Variants in DCHS2 observed in about 807,000 individuals in gnomAD.
The protein encoded by DCHS2 is protocadherin-23.
DCHS2 carries 142 observed loss-of-function variants against 182.4 expected under a neutral mutation model. The observed-to-expected ratio is 0.78, with a 90% CI of 0.68 to 0.89. DCHS2 has a LOEUF of 0.89. Among genes scored for constraint, DCHS2 ranks in the 40% least tolerant of loss-of-function variants. DCHS2 has a pLI of 0.00. For missense variants in DCHS2, 4,319 were observed against 4,198.6 expected, an observed-to-expected ratio of 1.03 and a Z score of -0.79; for synonymous variants, 1,740 against 1,663.3, an observed-to-expected ratio of 1.05 and a Z score of -1.12.
chr4:154,343,761 CTT>C, intron 3 of DCHS2: 2 of 1,022,606 alleles, frequency 2.0e-6, no homozygotes, highest in Admixed American at 4.2e-5. Flanking sequence ...CAATGAGTCT[CTT>C]TTGCTTTCTT....
chr4:154,440,998 A>G (rs984094766), intron 1 of DCHS2, among the ~76,000 whole-genome samples: 1 of 152,222 alleles, frequency 6.6e-6, no homozygotes, highest in Non-Finnish European at 1.5e-5. Context: ...GAGAGTTACT[A>G]TGACGTCTCT....
chr4:154,255,448 G>A, intron 16 of DCHS2, 71 bp downstream of exon 16: 3 of 1,521,140 alleles, frequency 2.0e-6, no homozygotes, highest in Non-Finnish European at 2.6e-6. Context: ...AGGAAGTTAT[G>A]AACAAAACAG....
chr4:154,308,172 T>C (rs4696546), intron 10 of DCHS2, among the ~76,000 whole-genome samples: 80,681 of 151,392 alleles, frequency 0.53, 22,258 homozygotes, highest in Admixed American at 0.63. Flanking sequence ...ACCAATGACC[T>C]TCTGATTATA....
chr4:154,252,760 C>T (rs755400094), intron 16 of DCHS2, among the ~76,000 whole-genome samples: 8 of 151,844 alleles, frequency 5.3e-5, no homozygotes, highest in Non-Finnish European at 1.0e-4. Context: ...TTCCAAACCT[C>T]GGCTATTGTG....
chr4:154,378,528 G>GGAAGGAAGGAAGGAAGGAAGGAAA, intron 1 of DCHS2, among the ~76,000 whole-genome samples: 4 of 145,022 alleles, frequency 2.8e-5, no homozygotes. Context: ...AAAGAAGGAA[G>GGAAGGAAGGAAGGAAGGAAGGAAA]GAAGGAAGGA....
rs778042900 is a variant in DCHS2 at position 154,235,164 on chromosome 4, G to A, written c.9488C>T (p.Thr3163Ile). 14 of 1,613,944 alleles carry A rather than the reference G, an allele frequency of 8.7e-6. No homozygotes were observed. In the South Asian group the frequency reaches 1.4e-4, roughly 16 times the overall value. ...TTCCCCTTGATCTCCTTCCCCAAAT[G>A]TTTGGCTGGCTTCTGCTGTTTCGGC... Reference protein sequence around the residue: ...VTAETAEASQTFGEGDQGEGC... With the variant: ...VTAETAEASQIFGEGDQGEGC... The change falls in exon 20 of 20, where the codon ACA (threonine) becomes ATA (isoleucine). Residue 3163 changes from threonine (T) to isoleucine (I), a missense_variant. Physicochemically the swap from Thr to Ile is moderately conservative, Grantham distance 89. Transcript: ENST00000357232.
At position 154,239,155 on chromosome 4, in the gene DCHS2, T is replaced by C. The variant is rs2111097417; in HGVS notation, c.7492+15A>G. 5 of 1,607,104 alleles carry C rather than the reference T, an allele frequency of 3.1e-6. No homozygotes were observed. Among genetic ancestry groups the C allele is most frequent in the Non-Finnish European group, 4.2e-6 (5 of 1,177,108 alleles). On this transcript the variant is annotated intron_variant, in intron 19 of 19. Coordinates refer to ENST00000357232, the MANE Select transcript of DCHS2 (RefSeq NM_001358235.2). ...CCCAAACCTATGAGCATTAATGCAA[T>C]TATAAATAACTCACCATTCTTAGGA... is the stretch of plus-strand genomic sequence containing the variant.
chr4:154,256,662 A>G (rs1201302037), intron 15 of DCHS2, among the ~76,000 whole-genome samples: 1 of 152,180 alleles, frequency 6.6e-6, no homozygotes, highest in Non-Finnish European at 1.5e-5. Flanking sequence ...AAATTAATTA[A>G]TTACTTTTTA....
At position 154,334,910 on chromosome 4, in the gene DCHS2, C is replaced by T; in HGVS notation, c.2671G>A (p.Glu891Lys). 1 of 1,614,228 alleles carries T rather than the reference C, an allele frequency of 6.2e-7. No homozygotes were observed. The highest frequency in any genetic ancestry group is 8.5e-7 in the Non-Finnish European group (1 of 1,180,038). Reference protein sequence around the residue: ...YTFLVYEDVPEDSPIGTVKAR... With the variant: ...YTFLVYEDVPKDSPIGTVKAR... ...TTCACTGTTCCAATGGGACTATCTT[C>T]AGGCACATCTTCATAAACTAAGAAA... is the stretch of plus-strand genomic sequence containing the variant. Residue 891 changes from glutamate to lysine, a missense_variant, in exon 4 of 20, where the codon GAA becomes AAA. Transcript: ENST00000357232.
intron 1 of DCHS2, among the ~76,000 whole-genome samples, chr4:154,463,044 A>G (rs926676059): frequency 6.6e-6 from 1 of 151,652 alleles, no homozygotes; most frequent in Admixed American, 6.6e-5. Flanking sequence ...CCCATTCCTC[A>G]ATTTCCTCTG....
At chr4:154,333,684 A>G (rs2111367496) in intron 4 of DCHS2, 190 bp from the exon 5 acceptor site, 1 of 642,286 alleles carries the variant, frequency 1.6e-6, no homozygotes, top group Non-Finnish European at 2.6e-6. Context: ...GCTCACATAC[A>G]TAAATCCTTA....
Position 154,235,417 on chromosome 4 carries a change from C to T in DCHS2, c.9235G>A (p.Glu3079Lys). 1 of 1,614,086 alleles carries T rather than the reference C, an allele frequency of 6.2e-7. No homozygotes were observed. The highest frequency in any genetic ancestry group is 8.5e-7 in the Non-Finnish European group (1 of 1,179,968). The part of the protein sequence containing the change: ...PEWLSLISIM[E>K]KDIVNLYRHS... ...CTGTACAGATTGACAATATCCTTCT[C>T]CATGATACTTATTAAACTCAACCAT... The change falls in exon 20 of 20, where the codon GAG becomes AAG. Residue 3079 changes from glutamate to lysine, a missense_variant. Physicochemically the swap from Glu to Lys is moderately conservative, Grantham distance 56. Transcript: ENST00000357232.
At chr4:154,287,100 C>T (rs958570822) in intron 13 of DCHS2, among the ~76,000 whole-genome samples, 16 of 152,138 alleles carry the variant, frequency 1.1e-4, no homozygotes, top group African/African-American at 3.4e-4. Flanking sequence ...GAATACCATA[C>T]TCAGTGAAAA....
chr4:154,240,934 T>G, intron 17 of DCHS2, 111 bp from the exon 18 acceptor site: 1 of 1,443,678 alleles, frequency 6.9e-7, no homozygotes, highest in Non-Finnish European at 9.2e-7. Flanking sequence ...TGATTTGCTC[T>G]TTCTTGGCTT....
At chr4:154,478,038 T>C (rs1372835595) in intron 1 of DCHS2, among the ~76,000 whole-genome samples, 7 of 151,446 alleles carry the variant, frequency 4.6e-5, no homozygotes, top group Admixed American at 4.6e-4. Context: ...TTGTTTACAC[T>C]AGGTGAAGCT....
chr4:154,291,318 G>C (rs1293691158), intron 13 of DCHS2, among the ~76,000 whole-genome samples: 3 of 152,002 alleles, frequency 2.0e-5, no homozygotes. Context: ...GTTGAGAAAG[G>C]GGAATCCTTA....
rs1190436786 is a variant in DCHS2 at position 154,298,575 on chromosome 4, C to T, written c.5739G>A (p.Arg1913=). ...ILCSDLGDPP[R]SSVIHLQVRV... is the part of the protein sequence containing the mutation. ...TAACTTGCAGGTGTATTACAGAGCTCCTAGGTGGATCTCCCAGGTCAGAGC... is the reference window on the plus strand; with the variant it reads ...TAACTTGCAGGTGTATTACAGAGCTTCTAGGTGGATCTCCCAGGTCAGAGC... The change falls in exon 13 of 20, where the codon AGG becomes AGA. Residue 1913 remains arginine, a synonymous_variant. Coordinates refer to ENST00000357232, the MANE Select transcript of DCHS2 (RefSeq NM_001358235.2). The T allele has an allele frequency of 6.2e-7, 1 of 1,614,000 alleles. No individual in the cohort carries two copies. The highest frequency in any genetic ancestry group is 8.5e-7 in the Non-Finnish European group (1 of 1,180,008).
At chr4:154,239,389 T>C (rs1731692778) in intron 18 of DCHS2, 87 bp from the exon 19 acceptor site, 1 of 1,560,582 alleles carries the variant, frequency 6.4e-7, no homozygotes, top group South Asian at 1.2e-5. Flanking sequence ...GGTCATTTTA[T>C]TCATTTTGAT....
Position 154,419,071 on chromosome 4 carries a change from T to TTG in DCHS2, c.2053-41628_2053-41627insCA, listed in dbSNP as rs1452864320. ...AGCATGAATGTAATAGCTACAAAAA[T>TTG]AGGCCTCCTGAGTAGGTGACTCAAT... On this transcript the variant is annotated intron_variant, in intron 1 of 19. Coordinates refer to ENST00000357232, the MANE Select transcript of DCHS2 (RefSeq NM_001358235.2). Among the ~76,000 whole-genome samples the TTG allele has an allele frequency of 3.8e-3, 581 of 152,272 alleles. 1 individual carries two copies. The highest frequency in any genetic ancestry group is 0.013 in the African/African-American group (544 of 41,536).
Sources: gnomAD v4.1 joint callset for allele counts (sites outside exome capture counted in the v4.1 genomes callset) on GRCh38, gnomAD v4.1.1 for gene constraint, MANE v1.5 for transcripts, NCBI Gene and HGNC (gene_info 2026-07-23, HGNC 2026-07-21) for gene names.